CACNB2: variants seen among roughly 807,000 people sequenced by gnomAD.
The protein encoded by CACNB2 is calcium voltage-gated channel auxiliary subunit beta 2, also known as voltage-dependent L-type calcium channel subunit beta-2.
Under a neutral mutation model 73.3 loss-of-function variants are expected in CACNB2, and 42 were observed. That is an observed-to-expected ratio of 0.57 (90% CI 0.45 to 0.74). The LOEUF (loss-of-function observed/expected upper bound fraction) is 0.74, where lower values mean the gene tolerates loss of function less well. Ranked by LOEUF, CACNB2 falls within the 30% of genes least tolerant of loss-of-function variation. The pLI, the probability that CACNB2 is intolerant of heterozygous loss-of-function variation, is 0.00. For missense variants in CACNB2, 940 were observed against 853.0 expected, an observed-to-expected ratio of 1.10 and a Z score of -1.27; for synonymous variants, 348 against 310.3, an observed-to-expected ratio of 1.12 and a Z score of -1.28.
intron 2 of CACNB2, among the ~76,000 whole-genome samples, chr10:18,364,178 T>G (rs7898684): frequency 0.29 from 43,810 of 151,822 alleles, 6,797 homozygotes; most frequent in East Asian, 0.66. Context: ...ACTCCTGACC[T>G]CAGGTGATCA....
At chr10:18,284,248 C>A (rs1206165325) in intron 2 of CACNB2, among the ~76,000 whole-genome samples, 1 of 152,114 alleles carries the variant, frequency 6.6e-6, no homozygotes, top group Admixed American at 6.5e-5. Flanking sequence ...TCTTAAAAAC[C>A]ATCAGGGCTC....
intron 1 of CACNB2, among the ~76,000 whole-genome samples, chr10:18,145,850 C>G (rs1346939544): frequency 6.6e-6 from 1 of 152,164 alleles, no homozygotes; most frequent in African/African-American, 2.4e-5. Context: ...CTTTCCAAGC[C>G]TGGCAGGAGG....
intron 3 of CACNB2, among the ~76,000 whole-genome samples, chr10:18,470,517 T>A (rs544242606): frequency 7.9e-4 from 120 of 151,314 alleles, no homozygotes; most frequent in African/African-American, 2.9e-3. Context: ...TGATATACTG[T>A]GTATATTATA....
intron 2 of CACNB2, among the ~76,000 whole-genome samples, chr10:18,183,793 A>G (rs58627105): frequency 0.041 from 6,229 of 152,194 alleles, 423 homozygotes; most frequent in African/African-American, 0.14. Context: ...ATGTGAACCT[A>G]TGGGTGCCCT....
chr10:18,362,066 C>A (rs1175099196), intron 2 of CACNB2, among the ~76,000 whole-genome samples: 1 of 152,182 alleles, frequency 6.6e-6, no homozygotes. Context: ...TGGGCTCAAG[C>A]AATCCTCCTG....
At chr10:18,482,402 C>T (rs935414030) in intron 3 of CACNB2, among the ~76,000 whole-genome samples, 4 of 152,156 alleles carry the variant, frequency 2.6e-5, no homozygotes, top group Admixed American at 6.5e-5. Context: ...AAGGGCCAAC[C>T]GCTGCTTCTG....
chr10:18,183,524 G>A (rs956362165), intron 2 of CACNB2, among the ~76,000 whole-genome samples: 2 of 152,160 alleles, frequency 1.3e-5, no homozygotes, highest in Non-Finnish European at 2.9e-5. Context: ...GGAAGGGCAA[G>A]TCACGTCTTA....
At chr10:18,435,922 T>C (rs2046114619) in intron 3 of CACNB2, among the ~76,000 whole-genome samples, 1 of 151,028 alleles carries the variant, frequency 6.6e-6, no homozygotes, top group African/African-American at 2.4e-5. Context: ...CCAATTCTGA[T>C]CCTCTTTGGA....
intron 2 of CACNB2, among the ~76,000 whole-genome samples, chr10:18,332,919 A>G (rs1430470759): frequency 6.6e-6 from 1 of 152,210 alleles, no homozygotes; most frequent in East Asian, 1.9e-4. Context: ...TGCAGGTTAC[A>G]AGTACCAAAA....
intron 2 of CACNB2, among the ~76,000 whole-genome samples, chr10:18,296,396 C>T (rs571728289): frequency 1.8e-4 from 27 of 152,196 alleles, no homozygotes; most frequent in African/African-American, 2.2e-4. Flanking sequence ...GATACAGATA[C>T]GCTATTTACT....
At chr10:18,199,245 C>G (rs1463210048) in intron 2 of CACNB2, among the ~76,000 whole-genome samples, 4 of 152,078 alleles carry the variant, frequency 2.6e-5, no homozygotes, top group Non-Finnish European at 1.5e-5. Context: ...CTAGAAATTG[C>G]AACAAAGAAT....
At chr10:18,347,847 T>C (rs1299975947) in intron 2 of CACNB2, among the ~76,000 whole-genome samples, 1 of 152,204 alleles carries the variant, frequency 6.6e-6, no homozygotes, top group Non-Finnish European at 1.5e-5. Context: ...CTTCGCTTAA[T>C]GAGATTTAAT....
rs895878322 is a variant in CACNB2, at chr10:18,325,651, T to TTC, written c.214-76261_214-76260dup. Reference sequence around the variant, plus strand: ...TCTTTCCTTCTTTTCCTTTCTTTCCTTCTCTCTCTCTCTTTCTTTCTCTTT... The same window carrying TTC: ...TCTTTCCTTCTTTTCCTTTCTTTCCTTCTCTCTCTCTCTCTTTCTTTCTCTTT... On this transcript the variant is annotated intron_variant, in intron 2 of 13. Coordinates refer to ENST00000324631, the MANE Select transcript of CACNB2 (RefSeq NM_201596.3). Among the ~76,000 whole-genome samples, 13 of 134,146 alleles carry TTC rather than the reference T, an allele frequency of 9.7e-5. No homozygotes were observed. In the East Asian group the frequency reaches 2.2e-3, roughly 22 times the overall value. 88.0% of individuals were successfully genotyped at this position (134,146 alleles called of 152,430 possible).
chr10:18,185,503 C>T, intron 2 of CACNB2, among the ~76,000 whole-genome samples: 1 of 152,094 alleles, frequency 6.6e-6, no homozygotes, highest in East Asian at 1.9e-4. Flanking sequence ...TTTGCTGTTG[C>T]CCTGGAAATG....
In CACNB2 at chr10:18,506,597, C is replaced by T. The variant is rs751838167; in HGVS notation, c.670+50C>T. On this transcript the variant is annotated intron_variant, in intron 6 of 13. Transcript: ENST00000324631. ...AATACATACTGCATTTCATGCTTTCCCCAGCTCTATCCAGTTTTGTGAATT... is the reference window on the plus strand; with the variant it reads ...AATACATACTGCATTTCATGCTTTCTCCAGCTCTATCCAGTTTTGTGAATT... 1.2e-5 allele frequency: 14 copies of T among 1,147,192 alleles called. No individual in the cohort carries two copies. In the African/African-American group the frequency reaches 1.7e-4, roughly 14 times the overall value. The allele number at this position is 1,147,192 out of a possible 1,614,324, so 71.1% of individuals were successfully genotyped here. A position where few individuals can be genotyped will look rare whatever the true frequency, so the allele number is the denominator to read the frequency against.
rs538461517 is a variant in CACNB2, at chr10:18,286,333, G to A, written c.214-115591G>A. Among the ~76,000 whole-genome samples, 275 of 151,742 alleles carry A rather than the reference G, an allele frequency of 1.8e-3. 1 individual carries two copies. The highest frequency in any genetic ancestry group is 6.8e-3 in the Middle Eastern group (2 of 294). The stretch of plus-strand genomic sequence containing the variant: ...AGATCCAGACCATCCTGGCTAACAC[G>A]GTGAAACCCCGTCTCTACTAAAAAA... On this transcript the variant is annotated intron_variant, in intron 2 of 13. Coordinates refer to ENST00000324631, the MANE Select transcript of CACNB2 (RefSeq NM_201596.3).
intron 11 of CACNB2, 27 bp downstream of exon 11, chr10:18,534,254 T>G (rs1362630716): frequency 1.3e-6 from 2 of 1,588,740 alleles, no homozygotes; most frequent in Non-Finnish European, 1.7e-6. Flanking sequence ...CTGTTTGCTC[T>G]ATAATCAAAC....
At chr10:18,344,743 C>T (rs759178117) in intron 2 of CACNB2, among the ~76,000 whole-genome samples, 2 of 152,022 alleles carry the variant, frequency 1.3e-5, no homozygotes, top group Non-Finnish European at 2.9e-5. Flanking sequence ...GCCTGAACGA[C>T]ACCAGCCTGG....
At chr10:18,491,679 A>T (rs1260558953) in intron 3 of CACNB2, among the ~76,000 whole-genome samples, 1 of 152,188 alleles carries the variant, frequency 6.6e-6, no homozygotes, top group Non-Finnish European at 1.5e-5. Context: ...AAAGAGTTCC[A>T]TGTGGCTCTT....
Sources: gnomAD v4.1 joint callset for allele counts (sites outside exome capture counted in the v4.1 genomes callset) on GRCh38, gnomAD v4.1.1 for gene constraint, MANE v1.5 for transcripts, NCBI Gene and HGNC (gene_info 2026-07-23, HGNC 2026-07-21) for gene names.